CDH13: variants seen among roughly 807,000 people sequenced by gnomAD.
CDH13 encodes cadherin-13.
CDH13 carries 24 observed loss-of-function variants against 63.8 expected under a neutral mutation model. The observed-to-expected ratio is 0.38, with a 90% CI of 0.27 to 0.53. The LOEUF (loss-of-function observed/expected upper bound fraction) is 0.53, where lower values mean the gene tolerates loss of function less well. CDH13 is among the 20% of genes least tolerant of loss of function. The pLI, the probability that CDH13 is intolerant of heterozygous loss-of-function variation, is 0.85. For synonymous variants in CDH13, 503 were observed against 355.3 expected, an observed-to-expected ratio of 1.42 and a Z score of -4.67; for missense variants, 1,049 against 903.1, an observed-to-expected ratio of 1.16 and a Z score of -2.07.
At chr16:83,034,390 C>T (rs533918188) in intron 3 of CDH13, among the ~76,000 whole-genome samples, 132 of 152,194 alleles carry the variant, frequency 8.7e-4, no homozygotes, top group Non-Finnish European at 1.4e-3. Flanking sequence ...ATGTACGGCA[C>T]GTCAGTCATG....
chr16:82,955,731 TC>T (rs1397589104), intron 2 of CDH13, among the ~76,000 whole-genome samples: 4 of 152,326 alleles, frequency 2.6e-5, no homozygotes, highest in African/African-American at 9.6e-5. Context: ...CAGCATTTAG[TC>T]ATTGCTGGGA....
At chr16:83,037,512 C>A (rs184473339) in intron 3 of CDH13, among the ~76,000 whole-genome samples, 1 of 152,108 alleles carries the variant, frequency 6.6e-6, no homozygotes, top group East Asian at 1.9e-4. Context: ...GAAGAAAGAG[C>A]CAGGATCCCG....
chr16:83,370,107 G>T (rs1406958683), intron 6 of CDH13, among the ~76,000 whole-genome samples: 1 of 152,156 alleles, frequency 6.6e-6, no homozygotes, highest in Non-Finnish European at 1.5e-5. Context: ...CATATCGTTG[G>T]CTAGGCGCGG....
chr16:83,590,316 G>C (rs1023190921), intron 7 of CDH13, among the ~76,000 whole-genome samples: 10 of 152,138 alleles, frequency 6.6e-5, no homozygotes, highest in Non-Finnish European at 1.0e-4. Context: ...ACACAGAGGT[G>C]GTGGAGAAAA....
At chr16:82,699,438 G>A (rs914307440) in intron 1 of CDH13, among the ~76,000 whole-genome samples, 2 of 152,190 alleles carry the variant, frequency 1.3e-5, no homozygotes, top group Non-Finnish European at 2.9e-5. Context: ...AGACTGAGAG[G>A]AGGCTGATTT....
At chr16:83,069,919 G>A (rs754467745) in intron 3 of CDH13, among the ~76,000 whole-genome samples, 24 of 152,218 alleles carry the variant, frequency 1.6e-4, no homozygotes, top group African/African-American at 3.4e-4. Context: ...GACAGAAATC[G>A]GCAATCAGTG....
chr16:83,669,508 C>T (rs1485368143), intron 8 of CDH13, among the ~76,000 whole-genome samples: 1 of 152,174 alleles, frequency 6.6e-6, no homozygotes, highest in Non-Finnish European at 1.5e-5. Context: ...TGTGTTACAG[C>T]AGCCTCAGTA....
intron 1 of CDH13, among the ~76,000 whole-genome samples, chr16:82,822,276 A>G (rs1244615739): frequency 2.0e-5 from 3 of 152,224 alleles, no homozygotes; most frequent in Non-Finnish European, 2.9e-5. Context: ...GTCTACACAA[A>G]TGAGTACTGT....
In CDH13 at chr16:83,053,280, T is replaced by A. The variant is rs148929518; in HGVS notation, c.366+21062T>A. ...ACTTAATATAGGAGTTAAAAAGGTA[T>A]CATAACCTTAATATTAGGTCTCGGG... On this transcript the variant is annotated intron_variant, in intron 3 of 13. Transcript: ENST00000567109. 1.6e-3 allele frequency among the ~76,000 whole-genome samples: 240 copies of A among 152,308 alleles called. 2 individuals carry two copies. Among genetic ancestry groups the A allele is most frequent in the South Asian group, 0.013 (65 of 4,828 alleles).
At chr16:83,579,395 G>A (rs1905337163) in intron 7 of CDH13, among the ~76,000 whole-genome samples, 1 of 152,172 alleles carries the variant, frequency 6.6e-6, no homozygotes, top group East Asian at 1.9e-4. Flanking sequence ...AGCATGGCTA[G>A]GGAGGCCTCA....
At chr16:83,512,217 A>C (rs1225143353) in intron 7 of CDH13, among the ~76,000 whole-genome samples, 1 of 151,584 alleles carries the variant, frequency 6.6e-6, no homozygotes, top group Non-Finnish European at 1.5e-5. Flanking sequence ...GCTACTCGGG[A>C]GTTTGAGGCA....
At chr16:83,004,420 T>G (rs1913264351) in intron 2 of CDH13, among the ~76,000 whole-genome samples, 1 of 152,184 alleles carries the variant, frequency 6.6e-6, no homozygotes, top group African/African-American at 2.4e-5. Context: ...CAAATAGAAT[T>G]ATACTTCTTC....
At chr16:82,645,405 C>T (rs1348477872) in intron 1 of CDH13, among the ~76,000 whole-genome samples, 2 of 152,144 alleles carry the variant, frequency 1.3e-5, no homozygotes, top group African/African-American at 2.4e-5. Context: ...AAACCGTTGG[C>T]TCTCAACTGT....
chr16:82,662,387 T>A (rs1912054362), intron 1 of CDH13, among the ~76,000 whole-genome samples: 1 of 152,244 alleles, frequency 6.6e-6, no homozygotes, highest in African/African-American at 2.4e-5. Flanking sequence ...CATATTTCAA[T>A]GAGCATGTGT....
At chr16:82,710,318 G>A (rs7191653) in intron 1 of CDH13, among the ~76,000 whole-genome samples, 1,505 of 144,678 alleles carry the variant, frequency 0.01, 17 homozygotes, top group African/African-American at 0.036. Flanking sequence ...TGGATCATGA[G>A]GTCAGGAGAT....
chr16:83,551,220 C>T (rs7500204), intron 7 of CDH13, among the ~76,000 whole-genome samples: 152,166 of 152,204 alleles, frequency 1, 76,064 homozygotes, highest in Non-Finnish European at 1. Context: ...TAGCTGGGAT[C>T]ACAGGTGTAC....
At chr16:82,721,370 T>C (rs930338058) in intron 1 of CDH13, among the ~76,000 whole-genome samples, 1 of 151,842 alleles carries the variant, frequency 6.6e-6, no homozygotes, top group African/African-American at 2.4e-5. Context: ...AAGAAACCAG[T>C]TGGGAAAGTT....
At chr16:83,684,030 T>C (rs1026622200) in intron 10 of CDH13, among the ~76,000 whole-genome samples, 1 of 152,116 alleles carries the variant, frequency 6.6e-6, no homozygotes, top group African/African-American at 2.4e-5. Flanking sequence ...GATATTCGAG[T>C]ATCTCTAATG....
chr16:82,655,354 G>A (rs1362748152), intron 1 of CDH13, among the ~76,000 whole-genome samples: 1 of 152,208 alleles, frequency 6.6e-6, no homozygotes, highest in Non-Finnish European at 1.5e-5. Context: ...GAGGGGAGGT[G>A]TCCTGGAGAG....
Sources: allele counts gnomAD v4.1 joint callset (sites outside exome capture counted in the v4.1 genomes callset), GRCh38; gene constraint gnomAD v4.1.1; transcripts MANE v1.5; gene names NCBI Gene and HGNC (gene_info 2026-07-23, HGNC 2026-07-21).